NIBAN1: variants seen among roughly 807,000 people sequenced by gnomAD.
NIBAN1 encodes niban apoptosis regulator 1.
In NIBAN1, 81 loss-of-function variants were observed where a neutral mutation model predicts 75.1. The observed-to-expected ratio is 1.08, with a 90% CI of 0.90 to 1.30. The LOEUF is 1.30. Ranked by LOEUF, NIBAN1 falls within the 50% of genes most tolerant of loss-of-function variation. The pLI is 0.00. For missense variants in NIBAN1, 1,133 were observed against 1,128.1 expected, an observed-to-expected ratio of 1.00 and a Z score of -0.06; for synonymous variants, 436 against 424.8, an observed-to-expected ratio of 1.03 and a Z score of -0.32.
rs745436535 is a variant in NIBAN1 at position 184,824,777 on chromosome 1, T to C, written c.718-1035A>G. ...TGTTATTATTACACAGAACATTTCATTTTTTCGGGGGGAAGGGGCATATGT... is the reference window on the plus strand; with the variant it reads ...TGTTATTATTACACAGAACATTTCACTTTTTCGGGGGGAAGGGGCATATGT... On this transcript the variant is annotated intron_variant, in intron 6 of 13. Coordinates refer to ENST00000367511, the MANE Select transcript of NIBAN1 (RefSeq NM_052966.4). 1.2e-4 allele frequency among the ~76,000 whole-genome samples: 19 copies of C among 152,316 alleles called. No individual in the cohort carries two copies. In the South Asian group the frequency reaches 1.9e-3, roughly 15 times the overall value.
In NIBAN1 at chr1:184,894,084, C is replaced by T. The variant is rs1281599798; in HGVS notation, c.309G>A (p.Glu103=). 1 of 1,603,856 alleles carries T rather than the reference C, an allele frequency of 6.2e-7. No individual in the cohort carries two copies. Among genetic ancestry groups the T allele is most frequent in the South Asian group, 1.1e-5 (1 of 88,832 alleles). The change falls in exon 3 of 14, where the codon GAG becomes GAA. Residue 103 remains glutamate, a synonymous_variant. Transcript: ENST00000367511. ...VKNDYAVESY[E]NKEAYQRGAA... ...CAAAGAAGTGTCTTACCTCTTTATT[C>T]TCATAGCTCTCCACAGCATAATCAT...
At chr1:184,835,702 A>C (rs1655120585) in intron 5 of NIBAN1, among the ~76,000 whole-genome samples, 1 of 152,230 alleles carries the variant, frequency 6.6e-6, no homozygotes, top group Non-Finnish European at 1.5e-5. Context: ...TTGTATCCTG[A>C]GACTTTGCTG....
Position 184,940,957 on chromosome 1 carries a change from T to C in NIBAN1, c.55+33345A>G, listed in dbSNP as rs766425464. Among the ~76,000 whole-genome samples, 240 of 152,346 alleles carry C rather than the reference T, an allele frequency of 1.6e-3. 3 individuals are homozygous for C. Among genetic ancestry groups the C allele is most frequent in the Non-Finnish European group, 2.9e-4 (20 of 68,030 alleles). ...AAGCGGGCAATGTGCCGCAAACAGG[T>C]ACAACAGAGAAGGCATCCGGACACA... On this transcript the variant is annotated intron_variant, in intron 1 of 13. Coordinates refer to ENST00000367511, the MANE Select transcript of NIBAN1 (RefSeq NM_052966.4).
At chr1:184,913,712 A>C (rs1425117751) in intron 1 of NIBAN1, among the ~76,000 whole-genome samples, 1 of 152,230 alleles carries the variant, frequency 6.6e-6, no homozygotes, top group Non-Finnish European at 1.5e-5. Context: ...CCAGAATCCA[A>C]ACCACTGATT....
intron 1 of NIBAN1, among the ~76,000 whole-genome samples, chr1:184,931,328 A>G (rs1657817662): frequency 1.3e-5 from 2 of 152,256 alleles, no homozygotes; most frequent in East Asian, 1.9e-4. Flanking sequence ...TATTGTGAGT[A>G]TGTCTTTAAT....
chr1:184,876,664 G>A (rs1346238365), intron 5 of NIBAN1, among the ~76,000 whole-genome samples: 1 of 151,304 alleles, frequency 6.6e-6, no homozygotes, highest in Non-Finnish European at 1.5e-5. Flanking sequence ...TAGCACCACT[G>A]CACTCCAGCC....
At chr1:184,811,641 C>T (rs1353411850) in intron 9 of NIBAN1, among the ~76,000 whole-genome samples, 3 of 151,416 alleles carry the variant, frequency 2.0e-5, no homozygotes, top group African/African-American at 7.3e-5. Context: ...ACAGGCACCC[C>T]GCCACCACGC....
At chr1:184,964,268 C>G (rs961265508) in intron 1 of NIBAN1, among the ~76,000 whole-genome samples, 2 of 152,106 alleles carry the variant, frequency 1.3e-5, no homozygotes, top group Non-Finnish European at 2.9e-5. Context: ...GTCAGGACTT[C>G]TAGCAAAAGA....
chr1:184,823,508 C>G, intron 7 of NIBAN1, 130 bp downstream of exon 7: 4 of 1,238,320 alleles, frequency 3.2e-6, no homozygotes, highest in Non-Finnish European at 4.6e-6. Context: ...TGAGACTCAG[C>G]AGGTTCGAAG....
intron 2 of NIBAN1, among the ~76,000 whole-genome samples, chr1:184,895,370 T>C (rs568966940): frequency 2.6e-4 from 39 of 152,264 alleles, no homozygotes; most frequent in South Asian, 1.0e-3. Context: ...AGACTTACTA[T>C]ATCAGAATCT....
At position 184,807,301 on chromosome 1, in the gene NIBAN1, TG is replaced by T. The variant is rs1300469861; in HGVS notation, c.1335+772del. On this transcript the variant is annotated intron_variant, in intron 10 of 13. Transcript: ENST00000367511. ...AGTTTGTGCTATTCATTCCTGTTAC[TG>T]GGGAAAAGGTTCCTTATGAAAAAAA... Among the ~76,000 whole-genome samples the T allele has an allele frequency of 7.7e-5, 11 of 143,512 alleles. No homozygotes were observed. The East Asian group carries it at 2.3e-3, about 30-fold the overall frequency. The allele number at this position is 143,512 out of a possible 152,430, so 94.1% of individuals were successfully genotyped here.
chr1:184,860,407 A>C (rs2102274929), intron 5 of NIBAN1, among the ~76,000 whole-genome samples: 1 of 152,356 alleles, frequency 6.6e-6, no homozygotes, highest in South Asian at 2.1e-4. Context: ...ATTGTGACTT[A>C]GAAGTCATTG....
rs1653845871 is a variant in NIBAN1, at chr1:184,795,880, A to G, written c.1884T>C (p.Pro628=). Reference sequence around the variant, plus strand: ...CTTTGGCCAACGAGCTAGGGACCTCAGGCTGCTTCTCTTCCTCTGACTCCT... The same window carrying G: ...CTTTGGCCAACGAGCTAGGGACCTCGGGCTGCTTCTCTTCCTCTGACTCCT... ...VFQESEEEKQ[P]EVPSSLAKGE... is the part of the protein sequence containing the mutation. The change falls in exon 14 of 14, where the codon CCT becomes CCC. Residue 628 remains proline, a synonymous_variant. Coordinates refer to ENST00000367511, the MANE Select transcript of NIBAN1 (RefSeq NM_052966.4). The G allele has an allele frequency of 6.2e-7, 1 of 1,613,264 alleles. No homozygotes were observed. The highest frequency in any genetic ancestry group is 1.7e-4 in the Middle Eastern group (1 of 6,058).
At chr1:184,830,008 G>A (rs769152272) in intron 6 of NIBAN1, among the ~76,000 whole-genome samples, 2 of 152,168 alleles carry the variant, frequency 1.3e-5, no homozygotes, top group Non-Finnish European at 2.9e-5. Flanking sequence ...ACAGGGCCAG[G>A]ACCATTCTGT....
chr1:184,803,726 A>T, intron 11 of NIBAN1, 34 bp from the exon 12 acceptor site: 1 of 1,580,226 alleles, frequency 6.3e-7, no homozygotes, highest in Non-Finnish European at 8.7e-7. Flanking sequence ...AAATAGTAAC[A>T]TTACAATCTG....
At position 184,862,439 on chromosome 1, in the gene NIBAN1, C is replaced by T. The variant is rs369420087; in HGVS notation, c.601+22194G>A. 5.3e-5 allele frequency among the ~76,000 whole-genome samples: 8 copies of T among 152,238 alleles called. No individual in the cohort carries two copies. In the East Asian group the frequency reaches 1.2e-3, roughly 22 times the overall value. On this transcript the variant is annotated intron_variant, in intron 5 of 13. Coordinates refer to ENST00000367511, the MANE Select transcript of NIBAN1 (RefSeq NM_052966.4). The stretch of plus-strand genomic sequence containing the variant: ...TCAAGCGATCCTCCTGCCTCAGCTT[C>T]GAGAGCAGCTGGGACTACAGTGGTA...
At chr1:184,851,477 G>T (rs1455810942) in intron 5 of NIBAN1, among the ~76,000 whole-genome samples, 2 of 47,174 alleles carry the variant, frequency 4.2e-5, no homozygotes, top group South Asian at 1.2e-3. Flanking sequence ...TGGGGACTGT[G>T]GTGGGGTCGG....
chr1:184,954,113 C>T (rs190459427), intron 1 of NIBAN1, among the ~76,000 whole-genome samples: 4 of 152,108 alleles, frequency 2.6e-5, no homozygotes, highest in African/African-American at 7.2e-5. Flanking sequence ...ACATACACAA[C>T]GGCTCAAATG....
chr1:184,886,429 T>C (rs234664), intron 4 of NIBAN1, among the ~76,000 whole-genome samples: 16,396 of 152,244 alleles, frequency 0.11, 1,386 homozygotes, highest in African/African-American at 0.23. Context: ...TCATGGAACA[T>C]AGCAGATGTT....
Sources: gnomAD v4.1 joint callset for allele counts (sites outside exome capture counted in the v4.1 genomes callset) on GRCh38, gnomAD v4.1.1 for gene constraint, MANE v1.5 for transcripts, NCBI Gene and HGNC (gene_info 2026-07-23, HGNC 2026-07-21) for gene names.